FILIP1L: variants seen among roughly 807,000 people sequenced by gnomAD.
FILIP1L encodes the protein filamin A-interacting protein 1-like.
Under a neutral mutation model 96.6 loss-of-function variants are expected in FILIP1L, and 55 were observed. The observed-to-expected ratio is 0.57, with a 90% CI of 0.46 to 0.71. The LOEUF is 0.71. Among genes scored for constraint, FILIP1L ranks in the 30% least tolerant of loss-of-function variants. The pLI, the probability that FILIP1L is intolerant of heterozygous loss-of-function variation, is 0.00. For missense variants in FILIP1L, 1,304 were observed against 1,321.2 expected (o/e 0.99, Z 0.20); for synonymous variants, 467 against 473.9 (o/e 0.99, Z 0.19).
chr3:99,957,957 C>T (rs914922191), intron 1 of FILIP1L, among the ~76,000 whole-genome samples: 6 of 149,882 alleles, frequency 4.0e-5, no homozygotes, highest in African/African-American at 1.5e-4. Context: ...TGATATGAAA[C>T]AGCACATCAC....
intron 4 of FILIP1L, among the ~76,000 whole-genome samples, chr3:99,915,991 C>G (rs552603771): frequency 6.6e-6 from 1 of 152,270 alleles, no homozygotes; most frequent in South Asian, 2.1e-4. Context: ...TGAAGAAAGG[C>G]AAATTTGAAG....
At chr3:100,071,357 G>A (rs2130323) in intron 1 of FILIP1L, among the ~76,000 whole-genome samples, 1 of 152,094 alleles carries the variant, frequency 6.6e-6, no homozygotes, top group African/African-American at 2.4e-5. Context: ...CTATGGGGAA[G>A]AACTGCCTCA....
intron 1 of FILIP1L, among the ~76,000 whole-genome samples, chr3:99,969,857 T>A (rs959094692): frequency 6.6e-6 from 1 of 152,164 alleles, no homozygotes; most frequent in Non-Finnish European, 1.5e-5. Flanking sequence ...TGTTAAAGAT[T>A]GTTGCCAAGT....
intron 1 of FILIP1L, among the ~76,000 whole-genome samples, chr3:99,994,205 G>A (rs1709605683): frequency 6.6e-6 from 1 of 152,074 alleles, no homozygotes; most frequent in African/African-American, 2.4e-5. Flanking sequence ...AGTCTCAGTA[G>A]GTTTTGTGTT....
At chr3:100,058,769 T>C (rs1324293838) in intron 1 of FILIP1L, among the ~76,000 whole-genome samples, 1 of 152,180 alleles carries the variant, frequency 6.6e-6, no homozygotes, top group Non-Finnish European at 1.5e-5. Context: ...CTGTATAACC[T>C]CCTTTGTTAG....
intron 1 of FILIP1L, among the ~76,000 whole-genome samples, chr3:99,977,663 A>C (rs992970606): frequency 1.4e-4 from 22 of 152,192 alleles, no homozygotes; most frequent in African/African-American, 5.3e-4. Context: ...AAACAGTATA[A>C]TATCTTAACC....
chr3:99,858,382 T>C (rs1458232248), intron 4 of FILIP1L, among the ~76,000 whole-genome samples: 3 of 152,172 alleles, frequency 2.0e-5, no homozygotes, highest in Admixed American at 6.5e-5. Flanking sequence ...GGAGAATTGC[T>C]TGAACCCGTG....
intron 1 of FILIP1L, among the ~76,000 whole-genome samples, chr3:100,097,771 T>G (rs900854565): frequency 6.6e-6 from 1 of 152,226 alleles, no homozygotes; most frequent in African/African-American, 2.4e-5. Flanking sequence ...CAAAGACTAC[T>G]TGGTTATTAA....
At chr3:99,998,174 A>T (rs1395647919) in intron 1 of FILIP1L, among the ~76,000 whole-genome samples, 3 of 152,232 alleles carry the variant, frequency 2.0e-5, no homozygotes, top group Admixed American at 1.3e-4. Flanking sequence ...CTGAAAAGTT[A>T]TTAATGGCAA....
At chr3:100,081,043 G>T (rs1452811585) in intron 1 of FILIP1L, among the ~76,000 whole-genome samples, 1 of 152,132 alleles carries the variant, frequency 6.6e-6, no homozygotes, top group Non-Finnish European at 1.5e-5. Flanking sequence ...TAATGAAGGT[G>T]TTATTTTAGA....
intron 5 of FILIP1L, among the ~76,000 whole-genome samples, chr3:99,843,888 A>G (rs183011083): frequency 1.7e-4 from 26 of 152,236 alleles, no homozygotes; most frequent in African/African-American, 2.4e-4. Flanking sequence ...CACGAACCCT[A>G]TTGTGAACTG....
At chr3:99,831,955 C>G (rs954679447) in intron 5 of FILIP1L, among the ~76,000 whole-genome samples, 1 of 152,026 alleles carries the variant, frequency 6.6e-6, no homozygotes, top group African/African-American at 2.4e-5. Context: ...TGTGAAAGGC[C>G]GAGACAGATT....
At chr3:100,031,299 T>C (rs2065017786) in intron 1 of FILIP1L, among the ~76,000 whole-genome samples, 1 of 152,154 alleles carries the variant, frequency 6.6e-6, no homozygotes, top group South Asian at 2.1e-4. Flanking sequence ...CCTATCTCCA[T>C]AGGTTTAAAA....
chr3:99,945,481 AGGGTG>A (rs1707981891), intron 1 of FILIP1L, among the ~76,000 whole-genome samples: 1 of 152,184 alleles, frequency 6.6e-6, no homozygotes, highest in Non-Finnish European at 1.5e-5. Context: ...TTGACTAAGG[AGGGTG>A]GCTGCTGCTA....
chr3:99,893,239 C>T (rs1340873410), intron 4 of FILIP1L, among the ~76,000 whole-genome samples: 1 of 148,318 alleles, frequency 6.7e-6, no homozygotes, highest in Non-Finnish European at 1.5e-5. Flanking sequence ...AATCTCGGCT[C>T]ACTGCAACCT....
At chr3:100,089,849 C>G (rs2066073229) in intron 1 of FILIP1L, among the ~76,000 whole-genome samples, 2 of 152,170 alleles carry the variant, frequency 1.3e-5, no homozygotes, top group African/African-American at 4.8e-5. Context: ...TTTTTGCCAC[C>G]TACTAGTTCA....
At chr3:100,068,296 A>G (rs1019800593) in intron 1 of FILIP1L, among the ~76,000 whole-genome samples, 1 of 152,072 alleles carries the variant, frequency 6.6e-6, no homozygotes, top group Non-Finnish European at 1.5e-5. Context: ...TTGCCATGTT[A>G]TTATAAACCT....
intron 1 of FILIP1L, among the ~76,000 whole-genome samples, chr3:99,945,514 A>C: frequency 6.6e-6 from 1 of 152,242 alleles, no homozygotes; most frequent in Non-Finnish European, 1.5e-5. Flanking sequence ...TAAGTAAATA[A>C]ATGGATGTCA....
chr3:99,948,693 G>A (rs905334248), intron 1 of FILIP1L, among the ~76,000 whole-genome samples: 1 of 146,842 alleles, frequency 6.8e-6, no homozygotes, highest in Non-Finnish European at 1.5e-5. Context: ...AGAGGAGAAA[G>A]GAGAGAGAAA....
Sources: allele counts gnomAD v4.1 joint callset (sites outside exome capture counted in the v4.1 genomes callset), GRCh38; gene constraint gnomAD v4.1.1; transcripts MANE v1.5; gene names NCBI Gene and HGNC (gene_info 2026-07-23, HGNC 2026-07-21).